Variants in VPS54 observed in about 807,000 individuals in gnomAD.
The protein encoded by VPS54 is vacuolar protein sorting-associated protein 54.
VPS54 carries 45 observed loss-of-function variants against 121.5 expected under a neutral mutation model. The observed-to-expected ratio is 0.37, with a 90% CI of 0.29 to 0.47. The LOEUF (loss-of-function observed/expected upper bound fraction) is 0.47. Ranked by LOEUF, VPS54 falls within the 20% of genes least tolerant of loss-of-function variation. The probability of loss-of-function intolerance (pLI) is 0.99; values close to 1 mark genes in which losing one functional copy is unlikely to be tolerated. For missense variants in VPS54, 1,090 were observed against 1,131.4 expected, an observed-to-expected ratio of 0.96 and a Z score of 0.52; for synonymous variants, 371 against 385.8, an observed-to-expected ratio of 0.96 and a Z score of 0.45.
intron 1 of VPS54, among the ~76,000 whole-genome samples, chr2:63,985,029 G>C (rs1446336682): frequency 2.0e-5 from 3 of 152,150 alleles, no homozygotes; most frequent in African/African-American, 4.8e-5. Context: ...GTAGGAAATG[G>C]GGAGCAGAGG....
chr2:63,947,569 G>C (rs1318487719), intron 8 of VPS54, 79 bp from the exon 9 acceptor site: 25 of 1,185,868 alleles, frequency 2.1e-5, no homozygotes, highest in Non-Finnish European at 2.6e-5. Context: ...TCAGCATCAA[G>C]AGTTCTGTTT....
intron 18 of VPS54, 137 bp downstream of exon 18, chr2:63,913,086 A>T: frequency 3.0e-6 from 2 of 673,138 alleles, no homozygotes; most frequent in South Asian, 5.1e-5. Flanking sequence ...TATACATAAA[A>T]GAGTAAGTAG....
chr2:64,007,963 G>C (rs1056319836), intron 1 of VPS54, among the ~76,000 whole-genome samples: 1 of 151,758 alleles, frequency 6.6e-6, no homozygotes, highest in Non-Finnish European at 1.5e-5. Context: ...TAAGAGGTAA[G>C]TGATGAAGTA....
chr2:63,994,581 C>G (rs1464933477), intron 1 of VPS54, among the ~76,000 whole-genome samples: 1 of 152,214 alleles, frequency 6.6e-6, no homozygotes, highest in Admixed American at 6.5e-5. Flanking sequence ...CGGACATGCA[C>G]CTGGTTGTAT....
At chr2:63,921,619 C>T (rs1673650370) in intron 12 of VPS54, among the ~76,000 whole-genome samples, 1 of 152,088 alleles carries the variant, frequency 6.6e-6, no homozygotes, top group Non-Finnish European at 1.5e-5. Flanking sequence ...CCTCAAACTC[C>T]TAGCCTCAAG....
rs566703860 is a variant in VPS54, at chr2:63,934,030, C to T, written c.1399-17G>A. The T allele has an allele frequency of 3.7e-6, 6 of 1,600,060 alleles. No individual in the cohort carries two copies. Among genetic ancestry groups the T allele is most frequent in the Admixed American group, 3.4e-5 (2 of 58,896 alleles). On this transcript the variant is annotated splice_polypyrimidine_tract_variant and intron_variant, in intron 11 of 22. Transcript: ENST00000272322. ...TAATGTTGCCTACAAGAAAATAGGA[C>T]ACACTTTTAAGGGACGTAAAATGTC...
chr2:63,980,794 T>A (rs1430034540), intron 3 of VPS54, among the ~76,000 whole-genome samples: 1 of 152,074 alleles, frequency 6.6e-6, no homozygotes, highest in African/African-American at 2.4e-5. Context: ...TTAATGTTCA[T>A]CTACTTAATC....
intron 12 of VPS54, among the ~76,000 whole-genome samples, chr2:63,929,386 G>C (rs1169937162): frequency 1.3e-5 from 2 of 152,136 alleles, no homozygotes; most frequent in Admixed American, 1.3e-4. Flanking sequence ...CAACTACATG[G>C]AAACTGAACA....
rs140678096 is a variant in VPS54 at position 63,947,343 on chromosome 2, G to A, written c.1245+40C>T. ...TAACATAAAAATAAACTTCACAAAG[G>A]TTCCAGACCAAAATATGTCAAATAA... On this transcript the variant is annotated intron_variant, in intron 9 of 22. Coordinates refer to ENST00000272322, the MANE Select transcript of VPS54 (RefSeq NM_016516.3). The A allele has an allele frequency of 3.4e-4, 502 of 1,478,654 alleles. 3 individuals are homozygous for A. The East Asian group carries it at 0.012, about 36-fold the overall frequency. The allele number at this position is 1,478,654 out of a possible 1,614,324, so 91.6% of individuals were successfully genotyped here. A position where few individuals can be genotyped will look rare whatever the true frequency, so the allele number is the denominator to read the frequency against.
intron 1 of VPS54, among the ~76,000 whole-genome samples, chr2:64,005,139 T>C (rs1228152646): frequency 1.6e-5 from 2 of 124,842 alleles, no homozygotes; most frequent in East Asian, 5.3e-4. Flanking sequence ...AGTCCCGCTC[T>C]TTAGCCCAGG....
At position 63,965,823 on chromosome 2, in the gene VPS54, A is replaced by G; in HGVS notation, c.624+12T>C. On this transcript the variant is annotated intron_variant, in intron 6 of 22. Coordinates refer to ENST00000272322, the MANE Select transcript of VPS54 (RefSeq NM_016516.3). Reference sequence around the variant, plus strand: ...ATAGTTTCCTACATGGAAAAAGTCAAAAAGAAATTACCTTTTCTTGAAGCA... The same window carrying G: ...ATAGTTTCCTACATGGAAAAAGTCAGAAAGAAATTACCTTTTCTTGAAGCA... The G allele has an allele frequency of 1.2e-6, 2 of 1,609,554 alleles. No individual in the cohort carries two copies. The highest frequency in any genetic ancestry group is 1.7e-6 in the Non-Finnish European group (2 of 1,179,004).
At chr2:63,893,563 T>C in intron 22 of VPS54, 28 bp from the exon 23 acceptor site, 2 of 1,579,220 alleles carry the variant, frequency 1.3e-6, no homozygotes, top group Non-Finnish European at 1.7e-6. Context: ...AATTATTTTT[T>C]AAATCTCAAA....
intron 15 of VPS54, 66 bp downstream of exon 15, chr2:63,919,817 A>C: frequency 8.7e-7 from 1 of 1,153,812 alleles, no homozygotes. Flanking sequence ...AAGAAATATT[A>C]AGCATTAATA....
chr2:63,892,638 A>T lies in VPS54; in HGVS notation c.*792T>A, dbSNP rs1007013639. 1 of 152,624 alleles carries T rather than the reference A, an allele frequency of 6.6e-6. No individual in the cohort carries two copies. 9.5% of individuals were successfully genotyped at this position (152,624 alleles called of 1,614,324 possible). ...CAAATAAAAACACCCCAAACCCTTCATCATACTTTTATAAAAATACAGATA... is the reference window on the plus strand; with the variant it reads ...CAAATAAAAACACCCCAAACCCTTCTTCATACTTTTATAAAAATACAGATA... On this transcript the variant is annotated 3_prime_UTR_variant, in exon 23 of 23. Transcript: ENST00000272322.
chr2:64,016,180 C>T (rs761899840), intron 1 of VPS54, among the ~76,000 whole-genome samples: 1 of 152,118 alleles, frequency 6.6e-6, no homozygotes, highest in Non-Finnish European at 1.5e-5. Flanking sequence ...GACAAAAATG[C>T]CCACTTTTAC....
intron 11 of VPS54, among the ~76,000 whole-genome samples, chr2:63,938,291 C>CTG (rs1674560870): frequency 1.3e-5 from 2 of 151,726 alleles, no homozygotes; most frequent in South Asian, 4.2e-4. Context: ...TCCCCATTCC[C>CTG]TGGCATGCAG....
At position 63,938,059 on chromosome 2, in the gene VPS54, G is replaced by GGTGT. The variant is rs1553475195; in HGVS notation, c.1399-4050_1399-4047dup. Among the ~76,000 whole-genome samples the GGTGT allele has an allele frequency of 6.0e-3, 848 of 140,474 alleles. 10 individuals are homozygous for GGTGT. The highest frequency in any genetic ancestry group is 5.5e-3 in the Non-Finnish European group (359 of 65,376). The allele number at this position is 140,474 out of a possible 152,430, so 92.2% of individuals were successfully genotyped here. ...AAACGTGTGTGTGTGTGGTGTGTGT[G>GGTGT]GTGTGTGTGTGTGTGTGTGTGTGTG... is the stretch of plus-strand genomic sequence containing the variant. On this transcript the variant is annotated intron_variant, in intron 11 of 22. Transcript: ENST00000272322.
intron 16 of VPS54, among the ~76,000 whole-genome samples, chr2:63,914,942 T>C (rs995827697): frequency 4.6e-5 from 7 of 151,720 alleles, no homozygotes; most frequent in East Asian, 1.9e-4. Context: ...GAGACCAGCC[T>C]GACAATGGAG....
intron 20 of VPS54, among the ~76,000 whole-genome samples, chr2:63,905,075 T>C (rs959320184): frequency 1.3e-5 from 2 of 152,104 alleles, no homozygotes; most frequent in African/African-American, 4.8e-5. Flanking sequence ...ACACAGATTA[T>C]CAAATGCTTA....
Sources: allele counts gnomAD v4.1 joint callset (sites outside exome capture counted in the v4.1 genomes callset), GRCh38; gene constraint gnomAD v4.1.1; transcripts MANE v1.5; gene names NCBI Gene and HGNC (gene_info 2026-07-23, HGNC 2026-07-21).